The following RGS7 variants were observed in gnomAD, a reference collection of about 807,000 sequenced individuals.
The protein encoded by RGS7 is regulator of G-protein signaling 7.
A neutral mutation model predicts 81.1 loss-of-function variants in RGS7; 27 were observed. The ratio of observed to expected loss-of-function variants is 0.33; its 90% CI spans 0.25 to 0.46. The LOEUF (loss-of-function observed/expected upper bound fraction) is 0.46, where lower values mean the gene tolerates loss of function less well. Among genes scored for constraint, RGS7 ranks in the 20% least tolerant of loss-of-function variants. The pLI, the probability that RGS7 is intolerant of heterozygous loss-of-function variation, is 1.00. For missense variants in RGS7, 396 were observed against 607.4 expected (o/e 0.65, Z 3.66); for synonymous variants, 208 against 207.7 (o/e 1.00, Z -0.01).
At chr1:241,086,508 C>T (rs898716911) in intron 3 of RGS7, among the ~76,000 whole-genome samples, 16 of 152,056 alleles carry the variant, frequency 1.1e-4, no homozygotes, top group Admixed American at 4.6e-4. Context: ...TTAAATCTCA[C>T]TGGCCTGCCT....
At chr1:240,857,712 A>G (rs1661403637) in intron 9 of RGS7, among the ~76,000 whole-genome samples, 1 of 152,046 alleles carries the variant, frequency 6.6e-6, no homozygotes, top group South Asian at 2.1e-4. Context: ...TTGATAGCTC[A>G]TCCCATTCTA....
At chr1:241,291,569 G>GATTTTT (rs2079087654) in intron 2 of RGS7, among the ~76,000 whole-genome samples, 1 of 28,858 alleles carries the variant, frequency 3.5e-5, no homozygotes, top group Admixed American at 4.8e-4. Flanking sequence ...AGAATTCCCA[G>GATTTTT]CTTTTTTTTT....
intron 9 of RGS7, among the ~76,000 whole-genome samples, chr1:240,845,797 A>T (rs1419064046): frequency 6.6e-6 from 1 of 152,214 alleles, no homozygotes; most frequent in Non-Finnish European, 1.5e-5. Flanking sequence ...TCCAGGTGGC[A>T]TGCATTTAAC....
At chr1:241,328,106 A>T (rs1030120527) in intron 2 of RGS7, among the ~76,000 whole-genome samples, 3 of 152,174 alleles carry the variant, frequency 2.0e-5, no homozygotes, top group African/African-American at 7.2e-5. Flanking sequence ...TTACAGGAAA[A>T]TTTGGAATGT....
chr1:240,848,633 GTT>G (rs5782165), intron 9 of RGS7, among the ~76,000 whole-genome samples: 8 of 148,970 alleles, frequency 5.4e-5, no homozygotes, highest in Non-Finnish European at 1.0e-4. Flanking sequence ...ATAACGAGAG[GTT>G]TTTTTTTTTA....
intron 2 of RGS7, among the ~76,000 whole-genome samples, chr1:241,331,343 TA>T (rs562336201): frequency 2.3e-4 from 35 of 152,100 alleles, no homozygotes; most frequent in African/African-American, 8.0e-4. Flanking sequence ...AGAATGGACT[TA>T]AAAAAAATCT....
intron 6 of RGS7, among the ~76,000 whole-genome samples, chr1:240,885,712 C>T (rs904315256): frequency 3.3e-5 from 5 of 151,938 alleles, no homozygotes; most frequent in African/African-American, 4.8e-5. Flanking sequence ...CTCATGGACA[C>T]GAAGAGGGGA....
At chr1:240,961,080 T>C (rs529798406) in intron 4 of RGS7, among the ~76,000 whole-genome samples, 4 of 152,266 alleles carry the variant, frequency 2.6e-5, no homozygotes, top group African/African-American at 7.2e-5. Flanking sequence ...AGCTAATTAT[T>C]TGGATCATTT....
chr1:241,290,729 G>A (rs559312669), intron 2 of RGS7, among the ~76,000 whole-genome samples: 5 of 152,262 alleles, frequency 3.3e-5, no homozygotes, highest in Non-Finnish European at 7.4e-5. Flanking sequence ...TCACTCTGTA[G>A]CTATGTAAGT....
At chr1:240,843,548 G>A (rs1445567952) in intron 9 of RGS7, among the ~76,000 whole-genome samples, 1 of 152,196 alleles carries the variant, frequency 6.6e-6, no homozygotes. Flanking sequence ...TTACAGGCAT[G>A]AGCCACTATG....
chr1:241,122,223 G>A (rs2066325344), intron 2 of RGS7, among the ~76,000 whole-genome samples: 1 of 152,164 alleles, frequency 6.6e-6, no homozygotes, highest in African/African-American at 2.4e-5. Context: ...ATGAATATGT[G>A]ATCTGTAGTT....
chr1:240,815,629 A>G (rs1690677873), intron 11 of RGS7, among the ~76,000 whole-genome samples: 1 of 152,196 alleles, frequency 6.6e-6, no homozygotes, highest in South Asian at 2.1e-4. Flanking sequence ...AATATACTAG[A>G]AAAGTATATT....
chr1:241,211,210 G>C (rs994797206), intron 2 of RGS7, among the ~76,000 whole-genome samples: 4 of 152,118 alleles, frequency 2.6e-5, no homozygotes, highest in Non-Finnish European at 5.9e-5. Context: ...ACTTGAACCC[G>C]GGAGGGGGAG....
intron 2 of RGS7, among the ~76,000 whole-genome samples, chr1:241,179,660 G>A (rs1409353537): frequency 6.6e-6 from 1 of 152,132 alleles, no homozygotes; most frequent in Non-Finnish European, 1.5e-5. Context: ...CCTCTGCACA[G>A]TAATTGTAGA....
intron 2 of RGS7, among the ~76,000 whole-genome samples, chr1:241,350,736 C>T: frequency 1.6e-5 from 1 of 64,302 alleles, no homozygotes. Context: ...AATGAGACCC[C>T]ATCTCAAAAA....
chr1:240,903,242 C>T (rs1196454200), intron 6 of RGS7, among the ~76,000 whole-genome samples: 1 of 152,126 alleles, frequency 6.6e-6, no homozygotes, highest in Non-Finnish European at 1.5e-5. Flanking sequence ...CTAGAACTTT[C>T]TGTGATAACA....
At chr1:241,244,648 C>T (rs1248290257) in intron 2 of RGS7, among the ~76,000 whole-genome samples, 1 of 151,960 alleles carries the variant, frequency 6.6e-6, no homozygotes, top group Admixed American at 6.6e-5. Context: ...TCTAAAGACA[C>T]ACGCACACAT....
rs61248651 is a variant in RGS7 at position 240,829,968 on chromosome 1, C to T, written c.610-2796G>A. 6.7e-3 allele frequency among the ~76,000 whole-genome samples: 1,015 copies of T among 152,184 alleles called. 8 individuals carry two copies. Among genetic ancestry groups the T allele is most frequent in the African/African-American group, 0.022 (900 of 41,510 alleles). ...AGAAAGATAAAGGTAAGATACTGAG[C>T]TCAGCAGGTGTTTCATTTTTCTCCT... On this transcript the variant is annotated intron_variant, in intron 9 of 18. Coordinates refer to ENST00000440928, the MANE Select transcript of RGS7 (RefSeq NM_001364886.1).
intron 2 of RGS7, among the ~76,000 whole-genome samples, chr1:241,215,069 G>T (rs1158742571): frequency 6.6e-6 from 1 of 151,982 alleles, no homozygotes; most frequent in East Asian, 1.9e-4. Flanking sequence ...AGAGTGCCCT[G>T]GTCAAAATAA....
Sources: allele counts gnomAD v4.1 joint callset (sites outside exome capture counted in the v4.1 genomes callset), GRCh38; gene constraint gnomAD v4.1.1; transcripts MANE v1.5; gene names NCBI Gene and HGNC (gene_info 2026-07-23, HGNC 2026-07-21).